FBLN2: variants seen among roughly 807,000 people sequenced by gnomAD.
FBLN2 encodes fibulin 2, also known as fibulin-2.
FBLN2 carries 81 observed loss-of-function variants against 123.7 expected under a neutral mutation model. The observed-to-expected ratio is 0.65, with a 90% CI of 0.55 to 0.79. The LOEUF is 0.79. FBLN2 is among the 30% of genes least tolerant of loss of function. FBLN2 has a pLI of 0.00. For missense variants in FBLN2, 1,603 were observed against 1,681.3 expected (o/e 0.95, Z 0.81); for synonymous variants, 699 against 701.4 (o/e 1.00, Z 0.05).
intron 1 of FBLN2, among the ~76,000 whole-genome samples, chr3:13,561,684 T>C (rs1255183780): frequency 1.3e-5 from 2 of 152,238 alleles, no homozygotes; most frequent in African/African-American, 4.8e-5. Context: ...GGTCTGTCTC[T>C]GTCACAACGC....
At position 13,638,363 on chromosome 3, in the gene FBLN2, A is replaced by G; in HGVS notation, c.*444A>G. ...AGTACATGTACATTATATAAAAAAA[A>G]GTTCAACTAGTATGAAAGGGTTATA... On this transcript the variant is annotated 3_prime_UTR_variant, in exon 18 of 18. Coordinates refer to ENST00000404922, the MANE Select transcript of FBLN2 (RefSeq NM_001004019.2). 2.7e-6 allele frequency: 1 copy of G among 373,236 alleles called. No homozygotes were observed. The highest frequency in any genetic ancestry group is 5.0e-6 in the Non-Finnish European group (1 of 200,826). 23.1% of individuals were successfully genotyped at this position (373,236 alleles called of 1,614,324 possible).
At chr3:13,629,746 T>C in intron 13 of FBLN2, 74 bp from the exon 14 acceptor site, 2 of 1,511,824 alleles carry the variant, frequency 1.3e-6, no homozygotes, top group Admixed American at 2.3e-5. Flanking sequence ...CCTTCGGCCC[T>C]GGATGGCCCT....
intron 1 of FBLN2, chr3:13,569,052 T>C: frequency 5.1e-6 from 5 of 985,846 alleles, no homozygotes; most frequent in Non-Finnish European, 4.8e-6. Context: ...GCCTGTGACT[T>C]TGGGGAGCAC....
chr3:13,631,322 C>G lies in FBLN2; in HGVS notation c.3086-7C>G, dbSNP rs929132887. ...GGTTCACCAGGGGCTGAACCTCTCT[C>G]TGACAGACATCGACGAGTGTGCTCA... On this transcript the variant is annotated splice_region_variant and splice_polypyrimidine_tract_variant and intron_variant, in intron 15 of 17. Coordinates refer to ENST00000404922, the MANE Select transcript of FBLN2 (RefSeq NM_001004019.2). 1 of 1,601,100 alleles carries G rather than the reference C, an allele frequency of 6.2e-7. No individual in the cohort carries two copies. The highest frequency in any genetic ancestry group is 8.5e-7 in the Non-Finnish European group (1 of 1,174,522).
intron 15 of FBLN2, 110 bp downstream of exon 15, chr3:13,630,925 A>C (rs1245234363): frequency 1.2e-6 from 1 of 837,726 alleles, no homozygotes; most frequent in Non-Finnish European, 1.9e-6. Context: ...TTTTAGCATC[A>C]GATCTGAGTT....
At chr3:13,630,069 A>G in intron 14 of FBLN2, 124 bp downstream of exon 14, 2 of 1,361,826 alleles carry the variant, frequency 1.5e-6, no homozygotes, top group Non-Finnish European at 2.0e-6. Flanking sequence ...ACCTTCACCC[A>G]TGCTGGCCCT....
At chr3:13,637,348 C>T (rs1257824694) in intron 17 of FBLN2, among the ~76,000 whole-genome samples, 2 of 152,224 alleles carry the variant, frequency 1.3e-5, no homozygotes, top group South Asian at 2.1e-4. Context: ...GCTAAACTCA[C>T]CCATTCCAGT....
intron 2 of FBLN2, among the ~76,000 whole-genome samples, chr3:13,595,080 G>A (rs1339130042): frequency 6.6e-6 from 1 of 152,188 alleles, no homozygotes; most frequent in Admixed American, 6.5e-5. Flanking sequence ...GCAAAATGGG[G>A]GCTGAGGCTG....
chr3:13,561,729 A>T (rs934227639), intron 1 of FBLN2, among the ~76,000 whole-genome samples: 1 of 152,208 alleles, frequency 6.6e-6, no homozygotes, highest in African/African-American at 2.4e-5. Flanking sequence ...CATTGGCTGC[A>T]TGCGGGTAGG....
intron 16 of FBLN2, among the ~76,000 whole-genome samples, chr3:13,635,398 A>AC (rs1307431867): frequency 2.0e-5 from 3 of 149,006 alleles, no homozygotes; most frequent in African/African-American, 4.9e-5. Context: ...ACACACACAC[A>AC]CCCACACACA....
rs779059228 is a variant in FBLN2, at chr3:13,613,970, G to C, written c.1549-14G>C. On this transcript the variant is annotated splice_polypyrimidine_tract_variant and intron_variant, in intron 4 of 17. Coordinates refer to ENST00000404922, the MANE Select transcript of FBLN2 (RefSeq NM_001004019.2). ...GGCCAGAGATTGGGCAGTGATAACT[G>C]TCTCTCCCTGCAGCAATGCTGTGAC... 6.2e-7 allele frequency: 1 copy of C among 1,608,590 alleles called. No homozygotes were observed. Among genetic ancestry groups the C allele is most frequent in the South Asian group, 1.1e-5 (1 of 90,742 alleles).
intron 1 of FBLN2, among the ~76,000 whole-genome samples, chr3:13,550,298 C>T (rs990671741): frequency 1.5e-4 from 23 of 152,326 alleles, no homozygotes; most frequent in African/African-American, 5.5e-4. Flanking sequence ...CAGGCTGGGC[C>T]TGACTCCTCA....
chr3:13,609,566 C>A lies in FBLN2; in HGVS notation c.1472C>A (p.Ala491Asp), dbSNP rs1327888720. The A allele has an allele frequency of 1.3e-6, 2 of 1,555,224 alleles. No homozygotes were observed. The highest frequency in any genetic ancestry group is 8.7e-7 in the Non-Finnish European group (1 of 1,149,184). ...VSYLQEKSCM[A>D]GVLGAKEGET... ...TACTTGCAGGAGAAGAGCTGCATGG[C>A]CGGCGTCCTGGGAGCCAAGGAGGGT... The change falls in exon 4 of 18, where the codon GCC becomes GAC. Residue 491 changes from alanine (A) to aspartate (D), a missense_variant. Physicochemically the swap from Ala to Asp is moderately radical, Grantham distance 126. Coordinates refer to ENST00000404922, the MANE Select transcript of FBLN2 (RefSeq NM_001004019.2).
intron 3 of FBLN2, 118 bp downstream of exon 3, chr3:13,608,291 G>A: frequency 2.8e-6 from 2 of 706,360 alleles, no homozygotes; most frequent in Non-Finnish European, 4.8e-6. Context: ...ATGCCTCTGG[G>A]GCATGAGGGT....
chr3:13,602,891 G>GGCCCTTTT (rs1402569746), intron 2 of FBLN2, among the ~76,000 whole-genome samples: 2 of 150,660 alleles, frequency 1.3e-5, no homozygotes, highest in Non-Finnish European at 3.0e-5. Context: ...TTATTTCTTT[G>GGCCCTTTT]GCCCTTTTTT....
intron 1 of FBLN2, chr3:13,568,958 C>T (rs1703832636): frequency 1.0e-6 from 1 of 985,644 alleles, no homozygotes; most frequent in Non-Finnish European, 1.2e-6. Flanking sequence ...TTGGGGACCA[C>T]TGCTGTGGTA....
At chr3:13,590,230 A>C (rs1289120874) in intron 2 of FBLN2, among the ~76,000 whole-genome samples, 1 of 152,090 alleles carries the variant, frequency 6.6e-6, no homozygotes, top group Non-Finnish European at 1.5e-5. Context: ...CTGGGTCTCA[A>C]ACTCCTGGCC....
intron 1 of FBLN2, among the ~76,000 whole-genome samples, chr3:13,565,824 G>A (rs138905229): frequency 4.9e-4 from 74 of 152,288 alleles, no homozygotes; most frequent in African/African-American, 1.7e-3. Flanking sequence ...TCTCTGAGTC[G>A]CACACTGGGC....
At chr3:13,602,399 G>A (rs1030218963) in intron 2 of FBLN2, among the ~76,000 whole-genome samples, 3 of 152,050 alleles carry the variant, frequency 2.0e-5, no homozygotes, top group African/African-American at 7.2e-5. Flanking sequence ...AAATGTTCTC[G>A]GGTATTCTTA....
Sources: gnomAD v4.1 joint callset for allele counts (sites outside exome capture counted in the v4.1 genomes callset) on GRCh38, gnomAD v4.1.1 for gene constraint, MANE v1.5 for transcripts, NCBI Gene and HGNC (gene_info 2026-07-23, HGNC 2026-07-21) for gene names.